BAZ2A: variants seen among roughly 807,000 people sequenced by gnomAD.
BAZ2A encodes bromodomain adjacent to zinc finger domain protein 2A.
In BAZ2A, 34 loss-of-function variants were observed where a neutral mutation model predicts 199.9. That is an observed-to-expected ratio of 0.17 (90% CI 0.13 to 0.23). The LOEUF (loss-of-function observed/expected upper bound fraction) is 0.23, where lower values mean the gene tolerates loss of function less well. BAZ2A is among the 10% of genes least tolerant of loss of function. The pLI is 1.00. For synonymous variants in BAZ2A, 857 were observed against 883.9 expected (o/e 0.97, Z 0.54); for missense variants, 2,002 against 2,391.1 (o/e 0.84, Z 3.39).
At chr12:56,628,594 A>C (rs1951188641) in intron 1 of BAZ2A, among the ~76,000 whole-genome samples, 1 of 152,212 alleles carries the variant, frequency 6.6e-6, no homozygotes, top group Non-Finnish European at 1.5e-5. Context: ...TAGAATCACC[A>C]CCAAGGACTG....
intron 1 of BAZ2A, 175 bp downstream of exon 1, chr12:56,629,950 C>T: frequency 2.6e-6 from 1 of 390,568 alleles, no homozygotes; most frequent in South Asian, 1.1e-4. Context: ...TCCTCCCAGA[C>T]CCCAGAGCAA....
upstream of BAZ2A, among the ~76,000 whole-genome samples, chr12:56,633,433 A>G (rs553425923): frequency 6.6e-6 from 1 of 152,250 alleles, no homozygotes; most frequent in African/African-American, 2.4e-5. Flanking sequence ...TCTGGAAGTG[A>G]GGAGTGGGAA....
chr12:56,611,721 C>T, intron 6 of BAZ2A, 52 bp downstream of exon 6: 6 of 1,522,988 alleles, frequency 3.9e-6, no homozygotes, highest in Non-Finnish European at 5.3e-6. Flanking sequence ...CAACATGGGA[C>T]AGAAAAGTTT....
intron 3 of BAZ2A, 122 bp from the exon 4 acceptor site, chr12:56,614,260 G>A: frequency 9.7e-7 from 1 of 1,030,336 alleles, no homozygotes; most frequent in Non-Finnish European, 1.4e-6. Context: ...ATTGCGGCCA[G>A]TTCATTGCTG....
At chr12:56,609,643 ACAC>A (rs1950498238) in intron 10 of BAZ2A, 90 bp downstream of exon 10, 4 of 1,292,616 alleles carry the variant, frequency 3.1e-6, no homozygotes, top group Non-Finnish European at 4.4e-6. Context: ...AATGTTAGTT[ACAC>A]TCCTGGGAAA....
Position 56,604,288 on chromosome 12 carries a change from C to A in BAZ2A, c.2967G>T (p.Glu989Asp). ...ACATACTCTCCAGAGTCTTGTCAAT[C>A]TCACTGCAGGGGAATAGGGAATAGG... ...ELNGSTLIIN[E>D]IDKTLESMSS... The change falls in exon 16 of 29, where the codon GAG (glutamate) becomes GAT (aspartate). Residue 989 changes from glutamate to aspartate, a missense_variant. By Grantham distance (45) the Glu-to-Asp change is conservative. Transcript: ENST00000549884. 1 of 1,607,332 alleles carries A rather than the reference C, an allele frequency of 6.2e-7. No homozygotes were observed. The highest frequency in any genetic ancestry group is 1.7e-5 in the Admixed American group (1 of 59,028).
intron 1 of BAZ2A, among the ~76,000 whole-genome samples, chr12:56,627,950 GGTGGGTA>G (rs1393964495): frequency 1.3e-5 from 2 of 151,710 alleles, no homozygotes; most frequent in African/African-American, 2.4e-5. Context: ...GGGAGGCCGA[GGTGGGTA>G]GATCACCTGA....
chr12:56,629,154 G>A (rs1356843373), intron 1 of BAZ2A, among the ~76,000 whole-genome samples: 1 of 152,138 alleles, frequency 6.6e-6, no homozygotes, highest in African/African-American at 2.4e-5. Flanking sequence ...AACAAGACAC[G>A]CAGCAGCAAA....
rs1427192302 is a variant in BAZ2A at position 56,596,782 on chromosome 12, CAAATA to C, written c.*1831_*1835del. ...ACCTCTTAAAAGCAAAAAAAAATCT[CAAATA>C]AAATTAAAAGTTTTGAGGTTTATCT... On this transcript the variant is annotated 3_prime_UTR_variant, in exon 29 of 29. Coordinates refer to ENST00000549884, the MANE Select transcript of BAZ2A (RefSeq NM_001300905.2). The C allele has an allele frequency of 1.3e-5, 2 of 152,402 alleles. No individual in the cohort carries two copies. The highest frequency in any genetic ancestry group is 1.9e-4 in the East Asian group (1 of 5,194). 9.4% of individuals were successfully genotyped at this position (152,402 alleles called of 1,614,324 possible). A position where few individuals can be genotyped will look rare whatever the true frequency, so the allele number is the denominator to read the frequency against.
intron 11 of BAZ2A, 67 bp from the exon 12 acceptor site, chr12:56,606,379 A>C: frequency 6.3e-7 from 1 of 1,575,646 alleles, no homozygotes. Context: ...GCTAGGATTC[A>C]AAAACAGACA....
upstream of BAZ2A, chr12:56,630,388 C>T (rs1951274489): frequency 3.4e-6 from 2 of 587,824 alleles, no homozygotes; most frequent in Admixed American, 1.3e-4. Context: ...ACGCGGCCTC[C>T]GCCACAGGGT....
In BAZ2A at chr12:56,597,757, A is replaced by G. The variant is rs1885981482; in HGVS notation, c.*861T>C. 6.6e-6 allele frequency: 1 copy of G among 152,450 alleles called. No individual in the cohort carries two copies. The highest frequency in any genetic ancestry group is 1.5e-5 in the Non-Finnish European group (1 of 68,082). The allele number at this position is 152,450 out of a possible 1,614,324, so 9.4% of individuals were successfully genotyped here. On this transcript the variant is annotated 3_prime_UTR_variant, in exon 29 of 29. Coordinates refer to ENST00000549884, the MANE Select transcript of BAZ2A (RefSeq NM_001300905.2). ...AACTCAGCAGTAGTTGTCCCTGAGG[A>G]GTTCCCAAGAGGGTTTGGGAAGGAG...
In BAZ2A at chr12:56,601,571, G is replaced by C. The variant is rs769128156; in HGVS notation, c.4046C>G (p.Pro1349Arg). 3 of 1,613,408 alleles carry C rather than the reference G, an allele frequency of 1.9e-6. No individual in the cohort carries two copies. The highest frequency in any genetic ancestry group is 3.3e-5 in the Admixed American group (2 of 60,018). ...AVSEDQPTPSPQQLASSKPMN... is the reference protein window; with the variant it reads ...AVSEDQPTPSRQQLASSKPMN... Reference sequence around the variant, plus strand: ...TGGCTTGGAGGAGGCAAGCTGCTGAGGGGAGGGAGTGGGTTGGTCCTCAGA... The same window carrying C: ...TGGCTTGGAGGAGGCAAGCTGCTGACGGGAGGGAGTGGGTTGGTCCTCAGA... The change falls in exon 20 of 29, where the codon CCT (proline) becomes CGT (arginine). Residue 1349 changes from proline (P) to arginine (R), a missense_variant. By Grantham distance (103) the Pro-to-Arg change is moderately radical. Around this residue, in one of 6 missense-constraint regions of BAZ2A, gnomAD observed 1,081 missense variants for 1,274.7 expected, o/e 0.85. Coordinates refer to ENST00000549884, the MANE Select transcript of BAZ2A (RefSeq NM_001300905.2).
At position 56,596,415 on chromosome 12, in the gene BAZ2A, C is replaced by A. The variant is rs916293801; in HGVS notation, c.*2203G>T. 2 of 152,526 alleles carry A rather than the reference C, an allele frequency of 1.3e-5. No homozygotes were observed. The highest frequency in any genetic ancestry group is 4.8e-5 in the African/African-American group (2 of 41,386). 9.4% of individuals were successfully genotyped at this position (152,526 alleles called of 1,614,324 possible). On this transcript the variant is annotated 3_prime_UTR_variant, in exon 29 of 29. Coordinates refer to ENST00000549884, the MANE Select transcript of BAZ2A (RefSeq NM_001300905.2). ...ATGCCCTATCCCTACCACCCCCAAC[C>A]CCGCTCCAGCCCCCACTTCTTCAAA...
intron 16 of BAZ2A, among the ~76,000 whole-genome samples, 176 bp from the exon 17 acceptor site, chr12:56,603,876 G>T (rs1565812269): frequency 6.6e-6 from 1 of 152,202 alleles, no homozygotes; most frequent in African/African-American, 2.4e-5. Context: ...AGCCAGGTGT[G>T]GTGGCATGGG....
At chr12:56,638,209 A>G, upstream of BAZ2A, 1 of 910,090 alleles carries the variant, frequency 1.1e-6, no homozygotes, top group East Asian at 2.4e-5. Flanking sequence ...GAAACCTTAA[A>G]TACTGTTCAG....
At chr12:56,601,453 G>C in intron 20 of BAZ2A, 51 bp from the exon 21 acceptor site, 1 of 1,593,016 alleles carries the variant, frequency 6.3e-7, no homozygotes, top group South Asian at 1.1e-5. Context: ...ATGTTTATAG[G>C]TTCCCTCAAC....
At chr12:56,625,710 T>C (rs1951068327) in intron 1 of BAZ2A, among the ~76,000 whole-genome samples, 2 of 151,192 alleles carry the variant, frequency 1.3e-5, no homozygotes, top group African/African-American at 4.9e-5. Context: ...ACCCCGTCTC[T>C]ACTAAAAATA....
rs1886120009 is a variant in BAZ2A, at chr12:56,599,004, G to A, written c.5410C>T (p.Leu1804=). The A allele has an allele frequency of 6.2e-7, 1 of 1,611,066 alleles. No individual in the cohort carries two copies. The highest frequency in any genetic ancestry group is 1.3e-5 in the African/African-American group (1 of 74,818). ...HSDLTFCEII[L]MEMESHDAAW... ...GCATCATGGGACTCCATCTCCATCAGGATAATCCTATCATTAGAGGGACAA... is the reference window on the plus strand; with the variant it reads ...GCATCATGGGACTCCATCTCCATCAAGATAATCCTATCATTAGAGGGACAA... The change falls in exon 28 of 29, where the codon CTG becomes TTG. Residue 1804 remains leucine (L), a synonymous_variant. Transcript: ENST00000549884.
Sources: gnomAD v4.1 joint callset for allele counts (sites outside exome capture counted in the v4.1 genomes callset) on GRCh38, gnomAD v4.1.1 for gene constraint, gnomAD v4.1.1 regional missense constraint, MANE v1.5 for transcripts, NCBI Gene and HGNC (gene_info 2026-07-23, HGNC 2026-07-21) for gene names.